Variants in DNAH2 observed in about 807,000 individuals in gnomAD.
The protein encoded by DNAH2 is dynein axonemal heavy chain 2, also known as axonemal beta dynein heavy chain 2.
In DNAH2, 323 loss-of-function variants were observed where a neutral mutation model predicts 523.5. The observed-to-expected ratio is 0.62, with a 90% CI of 0.56 to 0.68. The LOEUF (loss-of-function observed/expected upper bound fraction) is 0.68, where lower values mean the gene tolerates loss of function less well. Ranked by LOEUF, DNAH2 falls within the 30% of genes least tolerant of loss-of-function variation. DNAH2 has a pLI of 0.00. For synonymous variants in DNAH2, 2,093 were observed against 2,177.4 expected (o/e 0.96, Z 1.08); for missense variants, 4,907 against 5,701.5 (o/e 0.86, Z 4.49).
chr17:7,784,395 C>T (rs937387446), intron 39 of DNAH2, among the ~76,000 whole-genome samples: 15 of 152,198 alleles, frequency 9.9e-5, no homozygotes, highest in East Asian at 7.7e-4. Context: ...ATTGGAGAAT[C>T]GGCCAGGCAT....
chr17:7,789,297 G>A (rs73232357), intron 44 of DNAH2, among the ~76,000 whole-genome samples: 596 of 152,366 alleles, frequency 3.9e-3, no homozygotes, highest in African/African-American at 0.014. Context: ...CTTCCCGGGT[G>A]AGCAGAGGGC....
Position 7,801,687 on chromosome 17 carries a change from G to T in DNAH2, c.8809G>T (p.Val2937Leu). 6.2e-7 allele frequency: 1 copy of T among 1,614,152 alleles called. No homozygotes were observed. Among genetic ancestry groups the T allele is most frequent in the Non-Finnish European group, 8.5e-7 (1 of 1,180,042 alleles). ...GGTGGCTGAGAAGTGCCTCATAGGA[G>T]TAGACCTGGGAACTCAGGAGAATGT... Reference protein sequence around the residue: ...LEVAEKCLIGVDLGTQENIHR... With the variant: ...LEVAEKCLIGLDLGTQENIHR... Residue 2937 changes from valine to leucine, a missense_variant, in exon 57 of 86, where the codon GTA becomes TTA. Physicochemically the swap from Val to Leu is conservative, Grantham distance 32 (BLOSUM62 1). Around this residue, in one of 3 missense-constraint regions of DNAH2, gnomAD observed 1,851 missense variants for 2,139.4 expected, o/e 0.87. Coordinates refer to ENST00000572933, the MANE Select transcript of DNAH2 (RefSeq NM_020877.5).
rs149707155 is a variant in DNAH2 at position 7,752,705 on chromosome 17, G to A, written c.1905-4386G>A. 1.5e-3 allele frequency among the ~76,000 whole-genome samples: 222 copies of A among 152,042 alleles called. 1 individual carries two copies. The highest frequency in any genetic ancestry group is 5.2e-3 in the African/African-American group (217 of 41,490). On this transcript the variant is annotated intron_variant, in intron 12 of 85. Transcript: ENST00000572933. ...AGCCTGGGTGACAGAGCAAGACTCCGTCTCAAAAAAGAAAAAAAATTGTAT... is the reference window on the plus strand; with the variant it reads ...AGCCTGGGTGACAGAGCAAGACTCCATCTCAAAAAAGAAAAAAAATTGTAT...
chr17:7,724,334 T>G (rs2074724155), intron 3 of DNAH2, among the ~76,000 whole-genome samples: 1 of 152,084 alleles, frequency 6.6e-6, no homozygotes, highest in Non-Finnish European at 1.5e-5. Flanking sequence ...ATATTTGATA[T>G]GTCTGGCCAG....
intron 65 of DNAH2, 39 bp downstream of exon 65, chr17:7,817,454 C>A: frequency 6.2e-7 from 1 of 1,613,574 alleles, no homozygotes; most frequent in Non-Finnish European, 8.5e-7. Context: ...GGCTCCGAGA[C>A]CAGGGCTGGG....
Position 7,775,288 on chromosome 17 carries a change from C to T in DNAH2, c.4767C>T (p.Gly1589=), listed in dbSNP as rs780823518. The T allele has an allele frequency of 4.8e-5, 78 of 1,613,350 alleles. No individual in the cohort carries two copies. The highest frequency in any genetic ancestry group is 9.4e-5 in the African/African-American group (7 of 74,856). ...SKWEAVGMFS[G]DGEYIDFLHS... ...GGGAAGCTGTGGGGATGTTCTCGGG[C>T]GACGGCGAGTACATTGACTTCCTCC... The change falls in exon 30 of 86, where the codon GGC becomes GGT. Residue 1589 remains glycine (G), a synonymous_variant. Coordinates refer to ENST00000572933, the MANE Select transcript of DNAH2 (RefSeq NM_020877.5).
At position 7,807,845 on chromosome 17, in the gene DNAH2, G is replaced by C. The variant is rs905229852; in HGVS notation, c.9729+259G>C. ...CCTTCCAAAGATTGACTTGGGAGCT[G>C]GCAATCTCTGTCACACCCTTCGGAG... On this transcript the variant is annotated intron_variant, in intron 63 of 85. Transcript: ENST00000572933. The surrounding 1 kb of genome is among the most constrained non-coding windows in gnomAD (Gnocchi z 5.6). Among the ~76,000 whole-genome samples the C allele has an allele frequency of 6.6e-6, 1 of 152,186 alleles. No individual in the cohort carries two copies. Among genetic ancestry groups the C allele is most frequent in the Non-Finnish European group, 1.5e-5 (1 of 68,022 alleles).
In DNAH2 at chr17:7,794,269, G is replaced by A. The variant is rs775204781; in HGVS notation, c.7585G>A (p.Ala2529Thr). The change falls in exon 49 of 86, where the codon GCT (alanine) becomes ACT (threonine). Residue 2529 changes from alanine to threonine, a missense_variant. Around this residue, in one of 3 missense-constraint regions of DNAH2, gnomAD observed 250 missense variants for 371.3 expected, o/e 0.67. Coordinates refer to ENST00000572933, the MANE Select transcript of DNAH2 (RefSeq NM_020877.5). ...TGCTCTCTAGGAAATGTTCCTGATGGCTGCCATGGGCCCCCCTGGGGGTGG... is the reference window on the plus strand; with the variant it reads ...TGCTCTCTAGGAAATGTTCCTGATGACTGCCATGGGCCCCCCTGGGGGTGG... Reference protein sequence around the residue: ...IKYIREMFLMAAMGPPGGGRT... With the variant: ...IKYIREMFLMTAMGPPGGGRT... 14 of 1,607,652 alleles carry A rather than the reference G, an allele frequency of 8.7e-6. No individual in the cohort carries two copies. The Admixed American group carries it at 2.2e-4, about 25-fold the overall frequency.
At chr17:7,723,587 T>C in intron 2 of DNAH2, 41 bp from the exon 3 acceptor site, 2 of 1,594,656 alleles carry the variant, frequency 1.3e-6, no homozygotes, top group South Asian at 2.2e-5. Context: ...TGTTTAACTT[T>C]CCAAGAAATG....
chr17:7,821,703 G>T lies in DNAH2; in HGVS notation c.11142+334G>T, dbSNP rs147220613. On this transcript the variant is annotated intron_variant, in intron 73 of 85. Coordinates refer to ENST00000572933, the MANE Select transcript of DNAH2 (RefSeq NM_020877.5). This position sits in a 1 kb window ranked among gnomAD's most constrained non-coding sequence, Gnocchi z 5.0. ...CGCCCTCACAATCTCTCCCTCACAGGCTCCTCAACCCCAGCTTTTCTCCTC... is the reference window on the plus strand; with the variant it reads ...CGCCCTCACAATCTCTCCCTCACAGTCTCCTCAACCCCAGCTTTTCTCCTC... Among the ~76,000 whole-genome samples the T allele has an allele frequency of 3.9e-5, 6 of 151,972 alleles. No homozygotes were observed. The highest frequency in any genetic ancestry group is 8.8e-5 in the Non-Finnish European group (6 of 68,006).
At chr17:7,793,471 C>CTTTCTTTCTT (rs1233857886) in intron 48 of DNAH2, among the ~76,000 whole-genome samples, 3 of 130,626 alleles carry the variant, frequency 2.3e-5, no homozygotes, top group African/African-American at 7.9e-5. Context: ...TTCTTTCTTT[C>CTTTCTTTCTT]TTTCTTTCTT....
chr17:7,775,314 A>C lies in DNAH2; in HGVS notation c.4793A>C (p.His1598Pro). ...SGDGEYIDFL[H>P]SVFLEGPVES... is the part of the protein sequence containing the mutation. Reference sequence around the variant, plus strand: ...GACGGCGAGTACATTGACTTCCTCCACTCAGTATTTTTAGAAGGCCCTGTG... The same window carrying C: ...GACGGCGAGTACATTGACTTCCTCCCCTCAGTATTTTTAGAAGGCCCTGTG... Residue 1598 changes from histidine to proline, a missense_variant, in exon 30 of 86, where the codon CAC (histidine) becomes CCC (proline). Around this residue, in one of 3 missense-constraint regions of DNAH2, gnomAD observed 2,806 missense variants for 3,190.8 expected, o/e 0.88. Transcript: ENST00000572933. 6.2e-7 allele frequency: 1 copy of C among 1,612,508 alleles called. No homozygotes were observed. Among genetic ancestry groups the C allele is most frequent in the Non-Finnish European group, 8.5e-7 (1 of 1,179,370 alleles).
At chr17:7,757,370 A>T in intron 13 of DNAH2, 133 bp downstream of exon 13, 1 of 1,176,732 alleles carries the variant, frequency 8.5e-7, no homozygotes, top group Non-Finnish European at 1.2e-6. Context: ...AAAAAAAAAA[A>T]TTGTCTCCCA....
In DNAH2 at chr17:7,760,073, C is replaced by G. The variant is rs1276988565; in HGVS notation, c.2785+135C>G. The G allele has an allele frequency of 2.2e-6, 3 of 1,361,918 alleles. No individual in the cohort carries two copies. In the Admixed American group the frequency reaches 5.6e-5, roughly 25 times the overall value. 84.4% of individuals were successfully genotyped at this position (1,361,918 alleles called of 1,614,324 possible). ...TCCCTGACCTGGGGAAAACTCAGGT[C>G]AAGGGGCCAGATCGGCTGGCACAGT... is the stretch of plus-strand genomic sequence containing the variant. On this transcript the variant is annotated intron_variant, in intron 17 of 85. Transcript: ENST00000572933. This position sits in a 1 kb window ranked among gnomAD's most constrained non-coding sequence, Gnocchi z 4.0.
At chr17:7,814,032 A>G (rs1251757891) in intron 63 of DNAH2, among the ~76,000 whole-genome samples, 2 of 152,132 alleles carry the variant, frequency 1.3e-5, no homozygotes, top group Non-Finnish European at 2.9e-5. Flanking sequence ...TTATATATAA[A>G]TGATTCTGTG....
chr17:7,801,928 T>C lies in DNAH2; in HGVS notation c.8883T>C (p.Ala2961=), dbSNP rs747959846. The C allele has an allele frequency of 1.2e-6, 2 of 1,614,194 alleles. No homozygotes were observed. The highest frequency in any genetic ancestry group is 2.2e-5 in the South Asian group (2 of 91,086). ...QIFVTMHWSV[A]QYSQKMLLEL... ...TTGTCACTATGCACTGGTCAGTAGC[T>C]CAGTATTCCCAGAAGATGCTGTTGG... Residue 2961 remains alanine, a synonymous_variant, in exon 58 of 86, where the codon GCT becomes GCC. Coordinates refer to ENST00000572933, the MANE Select transcript of DNAH2 (RefSeq NM_020877.5).
At position 7,777,463 on chromosome 17, in the gene DNAH2, G is replaced by A. The variant is rs2076486878; in HGVS notation, c.5076G>A (p.Lys1692=). The stretch of plus-strand genomic sequence containing the variant: ...TGCCACAGGTGTCAATCCTGAATAA[G>A]TATTCAGAAGCCATCAGGGGGAACT... ...MKKNQVSILN[K]YSEAIRGNLT... Residue 1692 remains lysine, a synonymous_variant, in exon 33 of 86, where the codon AAG becomes AAA. Transcript: ENST00000572933. 5.0e-6 allele frequency: 8 copies of A among 1,614,024 alleles called. No individual in the cohort carries two copies. The highest frequency in any genetic ancestry group is 6.8e-6 in the Non-Finnish European group (8 of 1,180,020).
In DNAH2 at chr17:7,770,260, A is replaced by T. The variant is rs758856354; in HGVS notation, c.3950A>T (p.Asp1317Val). ...CCTGTTCCTGGCTGCAGGCACTGGG[A>T]CCAGGTCCGGGATGAGATCCAGCGG... is the stretch of plus-strand genomic sequence containing the variant. ...RNPALRERHW[D>V]QVRDEIQREF... Residue 1317 changes from aspartate (D) to valine (V), a missense_variant, in exon 25 of 86, where the codon GAC becomes GTC. Transcript: ENST00000572933. 2 of 1,605,504 alleles carry T rather than the reference A, an allele frequency of 1.2e-6. No homozygotes were observed. Among genetic ancestry groups the T allele is most frequent in the Non-Finnish European group, 1.7e-6 (2 of 1,175,770 alleles).
At chr17:7,772,058 G>A (rs1423634124) in intron 28 of DNAH2, among the ~76,000 whole-genome samples, 1 of 152,090 alleles carries the variant, frequency 6.6e-6, no homozygotes, top group Non-Finnish European at 1.5e-5. Flanking sequence ...CTTCAGCCAT[G>A]GGATGGGGTA....
Sources: gnomAD v4.1 joint callset for allele counts (sites outside exome capture counted in the v4.1 genomes callset) on GRCh38, gnomAD v4.1.1 for gene constraint, gnomAD v4.1.1 regional missense constraint, Gnocchi (gnomAD v3.1) non-coding constraint, MANE v1.5 for transcripts, NCBI Gene and HGNC (gene_info 2026-07-23, HGNC 2026-07-21) for gene names.